PCDHA5: variants seen among roughly 807,000 people sequenced by gnomAD.
The protein encoded by PCDHA5 is protocadherin alpha-5.
PCDHA5 carries 43 observed loss-of-function variants against 61.6 expected under a neutral mutation model. The ratio of observed to expected loss-of-function variants is 0.70; its 90% confidence interval spans 0.55 to 0.90. The LOEUF (loss-of-function observed/expected upper bound fraction) is 0.90, where lower values mean the gene tolerates loss of function less well. PCDHA5 is among the 40% of genes least tolerant of loss of function. The pLI is 0.00. For synonymous variants in PCDHA5, 627 were observed against 543.9 expected, an observed-to-expected ratio of 1.15 and a Z score of -2.13; for missense variants, 1,298 against 1,222.7, an observed-to-expected ratio of 1.06 and a Z score of -0.92.
chr5:140,945,909 TC>T (rs1440194990), intron 1 of PCDHA5, among the ~76,000 whole-genome samples: 3 of 151,962 alleles, frequency 2.0e-5, no homozygotes, highest in African/African-American at 7.2e-5. Context: ...AGATGAAAGA[TC>T]AATAACACTG....
At chr5:140,828,791 G>A (rs2150159012) in intron 1 of PCDHA5, 1 of 1,614,192 alleles carries the variant, frequency 6.2e-7, no homozygotes, top group Non-Finnish European at 8.5e-7. Flanking sequence ...CACAGTGCTG[G>A]ATGTGAATGA....
rs155802 is a variant in PCDHA5, at chr5:140,917,330, A to C, written c.2353-61619A>C. 5.0e-3 allele frequency among the ~76,000 whole-genome samples: 514 copies of C among 103,230 alleles called. 31 individuals carry two copies. The highest frequency in any genetic ancestry group is 8.4e-3 in the Non-Finnish European group (403 of 48,222). The allele number at this position is 103,230 out of a possible 152,430, so 67.7% of individuals were successfully genotyped here. A position where few individuals can be genotyped will look rare whatever the true frequency, so the allele number is the denominator to read the frequency against. On this transcript the variant is annotated intron_variant, in intron 1 of 3. Coordinates refer to ENST00000529859, the MANE Select transcript of PCDHA5 (RefSeq NM_018908.3). ...CAATTTGGTGTTCATGTGGCGGGGG[A>C]GGGGGGGGATGGTGTAGGCTTCTGT...
chr5:140,869,175 G>A, intron 1 of PCDHA5: 1 of 1,613,976 alleles, frequency 6.2e-7, no homozygotes, highest in East Asian at 2.2e-5. Context: ...TCGAATTCTG[G>A]GAGGTGGGGA....
intron 1 of PCDHA5, chr5:140,883,896 C>G (rs199847007): frequency 6.2e-7 from 1 of 1,613,386 alleles, no homozygotes; most frequent in African/African-American, 1.3e-5. Context: ...TCTGGCGTGC[C>G]GCCTCTGGGC....
intron 1 of PCDHA5, chr5:140,876,687 C>T: frequency 6.2e-7 from 1 of 1,614,212 alleles, no homozygotes; most frequent in Non-Finnish European, 8.5e-7. Flanking sequence ...AGAATTACTA[C>T]TCGTTGGTGC....
At position 140,849,164 on chromosome 5, in the gene PCDHA5, T is replaced by G. The variant is rs2150431781; in HGVS notation, c.2352+25037T>G. 3.3e-5 allele frequency: 39 copies of G among 1,167,302 alleles called. 1 individual carries two copies. The highest frequency in any genetic ancestry group is 4.4e-5 in the Non-Finnish European group (37 of 840,698). The allele number at this position is 1,167,302 out of a possible 1,614,324, so 72.3% of individuals were successfully genotyped here. On this transcript the variant is annotated intron_variant, in intron 1 of 3. Coordinates refer to ENST00000529859, the MANE Select transcript of PCDHA5 (RefSeq NM_018908.3). The stretch of plus-strand genomic sequence containing the variant: ...CCGATGGAGGCAAACCCGAGCTGAC[T>G]GGCACCGTTCAATTACTCATCACGG...
At chr5:140,841,378 G>A in intron 1 of PCDHA5, 1 of 1,613,450 alleles carries the variant, frequency 6.2e-7, no homozygotes, top group Non-Finnish European at 8.5e-7. Context: ...TCTTGCTTCT[G>A]CTCCTCGCAG....
At chr5:141,007,716 G>A (rs887681362) in intron 3 of PCDHA5, among the ~76,000 whole-genome samples, 4 of 152,246 alleles carry the variant, frequency 2.6e-5, no homozygotes, top group African/African-American at 4.8e-5. Context: ...CCCACCACCA[G>A]GGAGAACAAA....
intron 1 of PCDHA5, chr5:140,829,368 C>A (rs2150166554): frequency 1.2e-6 from 2 of 1,614,092 alleles, no homozygotes; most frequent in African/African-American, 2.7e-5. Context: ...TTGGTGGTAA[C>A]CGCGCGGGAC....
intron 1 of PCDHA5, chr5:140,850,086 C>T (rs2150466254): frequency 1.1e-5 from 17 of 1,596,424 alleles, no homozygotes; most frequent in African/African-American, 2.7e-5. Context: ...GCTGGAGCTG[C>T]TACAGTTCCA....
chr5:140,987,012 G>A (rs2097222470), intron 3 of PCDHA5, among the ~76,000 whole-genome samples: 1 of 151,994 alleles, frequency 6.6e-6, no homozygotes. Context: ...TCATGAGTTC[G>A]AGACCAGCCT....
At chr5:140,882,279 C>A (rs1456228410) in intron 1 of PCDHA5, 1 of 1,612,386 alleles carries the variant, frequency 6.2e-7, no homozygotes, top group Non-Finnish European at 8.5e-7. Context: ...ATGCTGTCTT[C>A]CTGGCAAGGA....
rs2150344223 is a variant in PCDHA5 at position 140,842,785 on chromosome 5, G to T, written c.2352+18658G>T. The T allele has an allele frequency of 1.1e-4, 175 of 1,594,390 alleles. 18 individuals are homozygous for T. Among genetic ancestry groups the T allele is most frequent in the Non-Finnish European group, 1.4e-4 (165 of 1,165,442 alleles). ...GAGACGCGGACGCGCAGGAGAACGCGCTGGTGTCCTACTCGCTTGTGGAGC... is the reference window on the plus strand; with the variant it reads ...GAGACGCGGACGCGCAGGAGAACGCTCTGGTGTCCTACTCGCTTGTGGAGC... On this transcript the variant is annotated intron_variant, in intron 1 of 3. Coordinates refer to ENST00000529859, the MANE Select transcript of PCDHA5 (RefSeq NM_018908.3).
chr5:140,824,024 C>A lies in PCDHA5; in HGVS notation c.2249C>A (p.Ser750Ter), dbSNP rs2150131645. ...AGCGCGGTGGGGAGCTGGTCGTACT[C>A]GCAGCAGAGGAGACAGAGGGTGTGC... is the stretch of plus-strand genomic sequence containing the variant. ...CSSAVGSWSYSQQRRQRVCSG... is the reference protein window; with the variant it reads ...CSSAVGSWSY The change falls in exon 1 of 4, where the codon TCG becomes TAG. Residue 750 changes from serine (S) to a stop codon, truncating the protein, a stop_gained. Coordinates refer to ENST00000529859, the MANE Select transcript of PCDHA5 (RefSeq NM_018908.3). LOFTEE classifies it high-confidence loss of function. The A allele has an allele frequency of 6.2e-7, 1 of 1,614,004 alleles. No individual in the cohort carries two copies. Among genetic ancestry groups the A allele is most frequent in the East Asian group, 2.2e-5 (1 of 44,880 alleles).
chr5:140,933,900 G>T (rs941556210), intron 1 of PCDHA5, among the ~76,000 whole-genome samples: 1 of 151,518 alleles, frequency 6.6e-6, no homozygotes, highest in South Asian at 2.1e-4. Flanking sequence ...GAATATTTTG[G>T]CATAAAGTTG....
At chr5:140,978,904 A>G (rs2096828000) in intron 1 of PCDHA5, 45 bp from the exon 2 acceptor site, 2 of 1,613,322 alleles carry the variant, frequency 1.2e-6, no homozygotes, top group Non-Finnish European at 8.5e-7. Flanking sequence ...CTGGGAGAAC[A>G]TTGTCTTGTC....
At chr5:140,869,529 T>G (rs2051206211) in intron 1 of PCDHA5, 2 of 1,614,166 alleles carry the variant, frequency 1.2e-6, no homozygotes, top group Non-Finnish European at 1.7e-6. Context: ...AGCTGCTGAT[T>G]GCGGAATCTA....
rs1286159283 is a variant in PCDHA5 at position 140,856,342 on chromosome 5, C to G, written c.2352+32215C>G. The G allele has an allele frequency of 5.6e-6, 9 of 1,598,384 alleles. 1 individual carries two copies. In the Admixed American group the frequency reaches 1.3e-4, roughly 24 times the overall value. On this transcript the variant is annotated intron_variant, in intron 1 of 3. Transcript: ENST00000529859. ...ACCGCGAGGAGCTGTGCGGGCGGAG[C>G]GTGGAGTGCAGCATCCACCTGGAGG...
intron 1 of PCDHA5, among the ~76,000 whole-genome samples, chr5:140,974,566 C>T (rs2096631979): frequency 6.6e-6 from 1 of 152,138 alleles, no homozygotes; most frequent in African/African-American, 2.4e-5. Context: ...GGCTGGAGTG[C>T]AATGGCATGA....
Sources: gnomAD v4.1 joint callset for allele counts (sites outside exome capture counted in the v4.1 genomes callset) on GRCh38, gnomAD v4.1.1 for gene constraint, MANE v1.5 for transcripts, NCBI Gene and HGNC (gene_info 2026-07-23, HGNC 2026-07-21) for gene names.